ST3GAL5: variants seen among roughly 807,000 people sequenced by gnomAD.
ST3GAL5 encodes ST3 beta-galactoside alpha-2,3-sialyltransferase 5.
In ST3GAL5, 25 loss-of-function variants were observed where a neutral mutation model predicts 46.1. The ratio of observed to expected loss-of-function variants is 0.54; its 90% confidence interval spans 0.40 to 0.76. ST3GAL5 has a LOEUF of 0.76. Ranked by LOEUF, ST3GAL5 falls within the 30% of genes least tolerant of loss-of-function variation. The pLI, the probability that ST3GAL5 is intolerant of heterozygous loss-of-function variation, is 0.00. For synonymous variants in ST3GAL5, 182 were observed against 192.7 expected (o/e 0.94, Z 0.46); for missense variants, 431 against 521.2 (o/e 0.83, Z 1.69).
At chr2:85,846,625 C>G in intron 4 of ST3GAL5, 62 bp from the exon 5 acceptor site, 1 of 1,519,400 alleles carries the variant, frequency 6.6e-7, no homozygotes. Context: ...TCTCTGTACA[C>G]CAGGCAGTAT....
chr2:85,886,757 C>A (rs1212280591), intron 1 of ST3GAL5, among the ~76,000 whole-genome samples: 5 of 152,292 alleles, frequency 3.3e-5, no homozygotes, highest in East Asian at 1.9e-4. Flanking sequence ...GCCTGTGATT[C>A]ACCCCACTTT....
chr2:85,861,134 A>G (rs371753131), intron 3 of ST3GAL5, 47 bp downstream of exon 3: 63 of 1,224,972 alleles, frequency 5.1e-5, no homozygotes, highest in Non-Finnish European at 7.6e-5. Context: ...GTTTGAGCAT[A>G]TGCTTGGCAA....
chr2:85,873,235 G>A (rs1686152485), intron 1 of ST3GAL5, among the ~76,000 whole-genome samples: 1 of 152,184 alleles, frequency 6.6e-6, no homozygotes, highest in African/African-American at 2.4e-5. Flanking sequence ...ACCACCGTGA[G>A]AGCAATTCAA....
intron 1 of ST3GAL5, among the ~76,000 whole-genome samples, chr2:85,885,969 T>C (rs1038854110): frequency 2.0e-5 from 3 of 152,226 alleles, no homozygotes; most frequent in Non-Finnish European, 2.9e-5. Context: ...ACAGCGGCAC[T>C]TTCTGTAACA....
Position 85,839,888 on chromosome 2 carries a change from C to T in ST3GAL5, c.*256G>A. Reference sequence around the variant, plus strand: ...AAAATCAATACAACATCGTTACATACAATTCTCTTTGAGAAGTCTTTCCAA... The same window carrying T: ...AAAATCAATACAACATCGTTACATATAATTCTCTTTGAGAAGTCTTTCCAA... On this transcript the variant is annotated 3_prime_UTR_variant, in exon 7 of 7. Coordinates refer to ENST00000638572, the MANE Select transcript of ST3GAL5 (RefSeq NM_003896.4). 1.9e-6 allele frequency: 1 copy of T among 534,212 alleles called. No homozygotes were observed. The highest frequency in any genetic ancestry group is 3.4e-6 in the Non-Finnish European group (1 of 298,288). The allele number at this position is 534,212 out of a possible 1,614,324, so 33.1% of individuals were successfully genotyped here. A position where few individuals can be genotyped will look rare whatever the true frequency, so the allele number is the denominator to read the frequency against.
intron 3 of ST3GAL5, chr2:85,849,855 A>AGTGTGTGTGTGTGTGTGTGT (rs3046619): frequency 6.8e-6 from 1 of 147,248 alleles, no homozygotes; most frequent in African/African-American, 2.5e-5. Context: ...CACAGGCAGA[A>AGTGTGTGTGTGTGTGTGTGT]GTGTGTGTGT....
intron 1 of ST3GAL5, among the ~76,000 whole-genome samples, chr2:85,871,094 G>C (rs1222975065): frequency 1.3e-5 from 2 of 148,712 alleles, no homozygotes; most frequent in African/African-American, 5.0e-5. Flanking sequence ...CTAGAGTGCA[G>C]TGGTGCAATC....
At chr2:85,859,250 G>A (rs1385169604) in intron 3 of ST3GAL5, among the ~76,000 whole-genome samples, 2 of 152,164 alleles carry the variant, frequency 1.3e-5, no homozygotes, top group East Asian at 3.9e-4. Context: ...AGGAAAAAGA[G>A]GATGCAAAGA....
At chr2:85,881,549 T>C (rs1167431140) in intron 1 of ST3GAL5, among the ~76,000 whole-genome samples, 2 of 152,186 alleles carry the variant, frequency 1.3e-5, no homozygotes, top group Non-Finnish European at 2.9e-5. Context: ...AGGAACTTGT[T>C]GGGAACTGAA....
At chr2:85,888,745 C>T in intron 1 of ST3GAL5, 79 bp downstream of exon 1, 8 of 1,082,486 alleles carry the variant, frequency 7.4e-6, no homozygotes, top group Non-Finnish European at 5.7e-6. Flanking sequence ...GCCCAGCCGG[C>T]CCGGGAAGAG....
chr2:85,839,729 A>G lies in ST3GAL5; in HGVS notation c.*415T>C, dbSNP rs112372963. ...GGATCCTCCGTGGGTCACACCAAGC[A>G]GCGCAGCAGGGAACCAGAATGAGGT... On this transcript the variant is annotated 3_prime_UTR_variant, in exon 7 of 7. Coordinates refer to ENST00000638572, the MANE Select transcript of ST3GAL5 (RefSeq NM_003896.4). The G allele has an allele frequency of 3.8e-3, 1,183 of 308,454 alleles. 4 individuals carry two copies. Among genetic ancestry groups the G allele is most frequent in the Non-Finnish European group, 6.3e-3 (999 of 159,086 alleles). The allele number at this position is 308,454 out of a possible 1,614,324, so 19.1% of individuals were successfully genotyped here. A position where few individuals can be genotyped will look rare whatever the true frequency, so the allele number is the denominator to read the frequency against.
At chr2:85,861,105 G>C in intron 3 of ST3GAL5, 76 bp downstream of exon 3, 1 of 1,018,314 alleles carries the variant, frequency 9.8e-7, no homozygotes, top group Non-Finnish European at 1.6e-6. Context: ...TTGTCACACA[G>C]TAGACTAATG....
intron 1 of ST3GAL5, chr2:85,888,034 G>A (rs1324671431): frequency 6.6e-6 from 1 of 152,132 alleles, no homozygotes; most frequent in Non-Finnish European, 1.5e-5. Flanking sequence ...CTCTACCCTC[G>A]TAAACGTATT....
chr2:85,851,448 C>T (rs1033617506), intron 3 of ST3GAL5: 8 of 1,235,892 alleles, frequency 6.5e-6, no homozygotes, highest in African/African-American at 1.5e-5. Context: ...AGAGCTCACA[C>T]AGAACTCCAT....
At chr2:85,845,627 G>A (rs1181550391) in intron 5 of ST3GAL5, 1 of 152,556 alleles carries the variant, frequency 6.6e-6, no homozygotes, top group Non-Finnish European at 1.5e-5. Context: ...ACTGCAGCAG[G>A]GCCTCTTTAT....
chr2:85,841,475 A>G (rs1459699834), intron 6 of ST3GAL5, among the ~76,000 whole-genome samples: 1 of 152,004 alleles, frequency 6.6e-6, no homozygotes, highest in Non-Finnish European at 1.5e-5. Context: ...CTGGGACTAC[A>G]GGCATGTGCC....
intron 3 of ST3GAL5, chr2:85,848,844 T>C (rs34403285): frequency 0.26 from 40,774 of 157,170 alleles, 5,566 homozygotes; most frequent in East Asian, 0.43. Flanking sequence ...TTTATGTTTT[T>C]TTTAACCACG....
chr2:85,860,409 A>G (rs983335773), intron 3 of ST3GAL5, among the ~76,000 whole-genome samples: 5 of 152,176 alleles, frequency 3.3e-5, no homozygotes, highest in African/African-American at 1.2e-4. Context: ...CTCTTCCTCC[A>G]TCCTGGGCTA....
At chr2:85,859,273 G>C (rs12478916) in intron 3 of ST3GAL5, among the ~76,000 whole-genome samples, 76,805 of 152,032 alleles carry the variant, frequency 0.51, 19,996 homozygotes, top group Admixed American at 0.61. Context: ...AAGTGGAGAA[G>C]GGCAGCAGAG....
Sources: gnomAD v4.1 joint callset for allele counts (sites outside exome capture counted in the v4.1 genomes callset) on GRCh38, gnomAD v4.1.1 for gene constraint, MANE v1.5 for transcripts, NCBI Gene and HGNC (gene_info 2026-07-23, HGNC 2026-07-21) for gene names.